The following PTPRD variants were observed in gnomAD, a reference collection of about 807,000 sequenced individuals.
PTPRD encodes protein tyrosine phosphatase receptor type D, also known as receptor-type tyrosine-protein phosphatase delta.
PTPRD carries 34 observed loss-of-function variants against 214.5 expected under a neutral mutation model. The observed-to-expected ratio is 0.16, with a 90% confidence interval of 0.12 to 0.21. The LOEUF (loss-of-function observed/expected upper bound fraction) is 0.21. PTPRD is among the 10% of genes least tolerant of loss of function. PTPRD has a pLI of 1.00. For synonymous variants in PTPRD, 1,128 were observed against 845.7 expected, an observed-to-expected ratio of 1.33 and a Z score of -5.79; for missense variants, 2,545 against 2,398.7, an observed-to-expected ratio of 1.06 and a Z score of -1.27.
intron 2 of PTPRD, among the ~76,000 whole-genome samples, chr9:10,397,922 A>G (rs1452725199): frequency 6.6e-6 from 1 of 151,978 alleles, no homozygotes; most frequent in Non-Finnish European, 1.5e-5. Flanking sequence ...ATTTCTCAGA[A>G]TGTATTGTTG....
chr9:8,375,300 AGAGTT>A (rs923674645), intron 39 of PTPRD, among the ~76,000 whole-genome samples: 50 of 152,030 alleles, frequency 3.3e-4, no homozygotes, highest in Admixed American at 2.9e-3. Flanking sequence ...TGTAGCTGTT[AGAGTT>A]AAGCAAAAAA....
At chr9:8,479,118 C>T (rs2096828087) in intron 30 of PTPRD, among the ~76,000 whole-genome samples, 2 of 152,130 alleles carry the variant, frequency 1.3e-5, no homozygotes, top group Admixed American at 1.3e-4. Context: ...CTAAACTTGC[C>T]AACCACGGCA....
intron 2 of PTPRD, among the ~76,000 whole-genome samples, chr9:10,416,788 G>C (rs1339052015): frequency 6.6e-6 from 1 of 151,842 alleles, no homozygotes; most frequent in Non-Finnish European, 1.5e-5. Flanking sequence ...CTGAAGGTGG[G>C]TGTTTCCATA....
Position 9,411,760 on chromosome 9 carries a change from A to G in PTPRD, c.-236-14278T>C, listed in dbSNP as rs561965626. 1.0e-4 allele frequency among the ~76,000 whole-genome samples: 16 copies of G among 152,396 alleles called. No individual in the cohort carries two copies. In the South Asian group the frequency reaches 3.3e-3, roughly 32 times the overall value. Reference sequence around the variant, plus strand: ...TTTCTCTTAATGTTTTAAATTAACCAAAGAATTCACAACACAGAGAATTTC... The same window carrying G: ...TTTCTCTTAATGTTTTAAATTAACCGAAGAATTCACAACACAGAGAATTTC... On this transcript the variant is annotated intron_variant, in intron 8 of 45. Transcript: ENST00000381196.
chr9:9,006,992 T>C (rs1434316170), intron 11 of PTPRD, among the ~76,000 whole-genome samples: 3 of 151,990 alleles, frequency 2.0e-5, no homozygotes, highest in African/African-American at 7.2e-5. Flanking sequence ...ATGGACTATT[T>C]GTAACATTTA....
intron 5 of PTPRD, among the ~76,000 whole-genome samples, chr9:9,931,660 A>T (rs868148259): frequency 2.6e-5 from 4 of 151,062 alleles, no homozygotes; most frequent in African/African-American, 9.7e-5. Flanking sequence ...AGGGGCGCCC[A>T]CCATTGCCCA....
At chr9:10,347,081 C>T (rs1273211105) in intron 2 of PTPRD, among the ~76,000 whole-genome samples, 1 of 152,120 alleles carries the variant, frequency 6.6e-6, no homozygotes, top group Non-Finnish European at 1.5e-5. Context: ...CACCTCCCCT[C>T]CTAACTCCCT....
intron 10 of PTPRD, among the ~76,000 whole-genome samples, chr9:9,069,141 T>C (rs1008157187): frequency 2.0e-5 from 3 of 152,204 alleles, no homozygotes; most frequent in Non-Finnish European, 4.4e-5. Context: ...CTTAAAGGTT[T>C]CTCAAGGTGG....
At chr9:8,449,917 C>T in intron 33 of PTPRD, 80 bp from the exon 34 acceptor site, 3 of 1,295,222 alleles carry the variant, frequency 2.3e-6, no homozygotes, top group Non-Finnish European at 3.3e-6. Flanking sequence ...TGCACCTGCA[C>T]TCCCCCCACC....
At chr9:8,918,634 T>C (rs1174037179) in intron 11 of PTPRD, among the ~76,000 whole-genome samples, 2 of 152,146 alleles carry the variant, frequency 1.3e-5, no homozygotes, top group Admixed American at 6.5e-5. Flanking sequence ...TTAGAAAACA[T>C]ATTGCACACT....
chr9:8,881,716 CAG>C (rs1386524189), intron 11 of PTPRD, among the ~76,000 whole-genome samples: 2 of 152,096 alleles, frequency 1.3e-5, no homozygotes, highest in African/African-American at 4.8e-5. Flanking sequence ...TAAGGACAAA[CAG>C]AATTGACCAG....
At chr9:10,086,639 G>A (rs1002026297) in intron 3 of PTPRD, among the ~76,000 whole-genome samples, 1 of 151,742 alleles carries the variant, frequency 6.6e-6, no homozygotes, top group Non-Finnish European at 1.5e-5. Context: ...GTTCAAGTGT[G>A]CAGGTCCTAT....
At chr9:10,258,777 C>G (rs532089264) in intron 3 of PTPRD, among the ~76,000 whole-genome samples, 2 of 151,952 alleles carry the variant, frequency 1.3e-5, no homozygotes, top group African/African-American at 2.4e-5. Context: ...CTTTCAAATC[C>G]TAAGGAAAAA....
At chr9:8,526,146 GT>G (rs2074046455) in intron 17 of PTPRD, among the ~76,000 whole-genome samples, 2 of 151,602 alleles carry the variant, frequency 1.3e-5, no homozygotes, top group African/African-American at 4.9e-5. Flanking sequence ...GCTCCAGGGT[GT>G]CTTCTGCATG....
At chr9:9,304,370 G>A (rs941593772) in intron 9 of PTPRD, among the ~76,000 whole-genome samples, 3 of 152,078 alleles carry the variant, frequency 2.0e-5, no homozygotes, top group African/African-American at 7.2e-5. Flanking sequence ...CTTAAAGGAG[G>A]TGAAGACATT....
chr9:8,511,363 G>A (rs1038347838), intron 21 of PTPRD, among the ~76,000 whole-genome samples: 3 of 151,956 alleles, frequency 2.0e-5, no homozygotes, highest in Non-Finnish European at 2.9e-5. Flanking sequence ...GAGCCACTGT[G>A]CCTCGCCTTC....
At chr9:8,900,861 T>C (rs1481206233) in intron 11 of PTPRD, among the ~76,000 whole-genome samples, 3 of 152,204 alleles carry the variant, frequency 2.0e-5, no homozygotes, top group Non-Finnish European at 4.4e-5. Context: ...AGTAGGCATA[T>C]TGATATAATA....
intron 9 of PTPRD, among the ~76,000 whole-genome samples, chr9:9,203,733 C>A (rs2099943205): frequency 6.6e-6 from 1 of 152,080 alleles, no homozygotes; most frequent in Non-Finnish European, 1.5e-5. Flanking sequence ...TGTGTTTTTG[C>A]AGTTTCTGAT....
At chr9:10,561,491 A>T (rs1336186588) in intron 2 of PTPRD, among the ~76,000 whole-genome samples, 3 of 152,062 alleles carry the variant, frequency 2.0e-5, no homozygotes, top group African/African-American at 7.2e-5. Context: ...CACCCCTATT[A>T]CCTAGAATAC....
Sources: gnomAD v4.1 joint callset for allele counts (sites outside exome capture counted in the v4.1 genomes callset) on GRCh38, gnomAD v4.1.1 for gene constraint, MANE v1.5 for transcripts, NCBI Gene and HGNC (gene_info 2026-07-23, HGNC 2026-07-21) for gene names.